Variants in PIK3C2G observed in about 807,000 individuals in gnomAD.
PIK3C2G encodes phosphatidylinositol-4-phosphate 3-kinase catalytic subunit type 2 gamma.
A neutral mutation model predicts 181.1 loss-of-function variants in PIK3C2G; 168 were observed. The ratio of observed to expected loss-of-function variants is 0.93; its 90% CI spans 0.82 to 1.05. PIK3C2G has a LOEUF of 1.05. Ranked by LOEUF, PIK3C2G falls within the 50% of genes least tolerant of loss-of-function variation. The pLI, the probability that PIK3C2G is intolerant of heterozygous loss-of-function variation, is 0.00. For missense variants in PIK3C2G, 1,869 were observed against 1,732.8 expected (o/e 1.08, Z -1.40); for synonymous variants, 573 against 592.2 (o/e 0.97, Z 0.47).
Position 18,381,863 on chromosome 12 carries a change from TC to T in PIK3C2G, c.1982del (p.Pro661ArgfsTer2). ...AGGAGTGTGGGATGTAAGTCAGCCA[TC>T]CCCGGTGACCCTGCAGGTAAGTGCC... ...TPGVWDVSQP[S>X]PVTLQIDFPA... On this transcript the variant is annotated frameshift_variant, in exon 14 of 33. Coordinates refer to ENST00000538779, the MANE Select transcript of PIK3C2G (RefSeq NM_001288772.2). LOFTEE classifies it high-confidence loss of function. 6.2e-7 allele frequency: 1 copy of T among 1,609,706 alleles called. No individual in the cohort carries two copies. Among genetic ancestry groups the T allele is most frequent in the Non-Finnish European group, 8.5e-7 (1 of 1,175,998 alleles).
In PIK3C2G at chr12:18,491,453, G is replaced by C. The variant is rs774769883; in HGVS notation, c.2688G>C (p.Glu896Asp). ...CTTTTTCTAATGATTTTTCACAGGA[G>C]GTACTGAAGAAAGAAATTGGCAGAC... ...VKSASDHQRQEVLKKEIGRLE... is the reference protein window; with the variant it reads ...VKSASDHQRQDVLKKEIGRLE... Residue 896 changes from glutamate (E) to aspartate (D), a missense_variant and splice_region_variant, in exon 20 of 33, where the codon GAG (glutamate) becomes GAC (aspartate). Coordinates refer to ENST00000538779, the MANE Select transcript of PIK3C2G (RefSeq NM_001288772.2). 3.3e-6 allele frequency: 5 copies of C among 1,496,318 alleles called. No individual in the cohort carries two copies. Among genetic ancestry groups the C allele is most frequent in the Non-Finnish European group, 4.6e-6 (5 of 1,079,580 alleles). The allele number at this position is 1,496,318 out of a possible 1,614,324, so 92.7% of individuals were successfully genotyped here.
At chr12:18,654,625 T>C in the PIK3C2G span, among the ~76,000 whole-genome samples, 3 of 152,300 alleles carry the variant, frequency 2.0e-5, no homozygotes, top group Admixed American at 2.0e-4. Flanking sequence ...GGAACTGTTA[T>C]TCCAGGTAAA....
intron 31 of PIK3C2G, among the ~76,000 whole-genome samples, chr12:18,610,970 C>T (rs1948301559): frequency 6.6e-6 from 1 of 151,954 alleles, no homozygotes; most frequent in Non-Finnish European, 1.5e-5. Context: ...GGCATGTAAA[C>T]CACACAGTAA....
At chr12:18,455,844 C>T (rs937142817) in intron 18 of PIK3C2G, among the ~76,000 whole-genome samples, 11 of 152,102 alleles carry the variant, frequency 7.2e-5, no homozygotes, top group East Asian at 5.8e-4. Flanking sequence ...TTTCAGCATA[C>T]GAATTTTGGA....
At chr12:18,508,063 C>G (rs1941955444) in intron 24 of PIK3C2G, among the ~76,000 whole-genome samples, 1 of 152,196 alleles carries the variant, frequency 6.6e-6, no homozygotes, top group Non-Finnish European at 1.5e-5. Context: ...ATAAACCAAT[C>G]ATCAACCATT....
At chr12:18,387,763 T>C (rs886189481) in intron 14 of PIK3C2G, among the ~76,000 whole-genome samples, 10 of 152,228 alleles carry the variant, frequency 6.6e-5, no homozygotes, top group African/African-American at 2.4e-4. Flanking sequence ...ATTGAAGGTA[T>C]TATATCACAA....
At chr12:18,297,801 T>A (rs961227606) in intron 5 of PIK3C2G, among the ~76,000 whole-genome samples, 1 of 151,966 alleles carries the variant, frequency 6.6e-6, no homozygotes, top group Non-Finnish European at 1.5e-5. Context: ...TGGCTTGTTT[T>A]ACTTAATGTA....
rs571648217 is a variant in PIK3C2G at position 18,420,092 on chromosome 12, C to T, written c.2316-849C>T. On this transcript the variant is annotated intron_variant, in intron 16 of 32. Transcript: ENST00000538779. The stretch of plus-strand genomic sequence containing the variant: ...CAGTTCCTTCACGTTTTAAATTATG[C>T]TTGTTAATTTTTTTCTAAAAAATTG... Among the ~76,000 whole-genome samples the T allele has an allele frequency of 2.3e-4, 35 of 152,094 alleles. 1 individual carries two copies. The highest frequency in any genetic ancestry group is 3.9e-4 in the East Asian group (2 of 5,170).
intron 30 of PIK3C2G, chr12:18,607,094 C>T (rs542177952): frequency 1.1e-5 from 5 of 462,964 alleles, no homozygotes; most frequent in South Asian, 6.5e-5. Flanking sequence ...TACAATGTAA[C>T]ATTTCACGAT....
chr12:18,564,083 A>G lies in PIK3C2G; in HGVS notation c.3902+585A>G, dbSNP rs534422414. Among the ~76,000 whole-genome samples, 8 of 152,030 alleles carry G rather than the reference A, an allele frequency of 5.3e-5. No homozygotes were observed. In the South Asian group the frequency reaches 1.7e-3, roughly 32 times the overall value. On this transcript the variant is annotated intron_variant, in intron 28 of 32. Transcript: ENST00000538779. ...TTTAAATTATTAACTTGCATTATCT[A>G]AATTGAATTTGTTATTTTGTTCATT...
chr12:18,423,995 C>G lies in PIK3C2G; in HGVS notation c.2460C>G (p.Leu820=). ...NLESPLVQLL[L]HRSLQSIQVA... is the part of the protein sequence containing the mutation. The stretch of plus-strand genomic sequence containing the variant: ...AGAGTCCTTTAGTGCAACTTCTACT[C>G]CACCGCTCCTTGCAGAGCATCCAGG... The change falls in exon 18 of 33, where the codon CTC becomes CTG. Residue 820 remains leucine, a synonymous_variant. Transcript: ENST00000538779. 1.2e-6 allele frequency: 2 copies of G among 1,611,794 alleles called. No homozygotes were observed. Among genetic ancestry groups the G allele is most frequent in the South Asian group, 2.2e-5 (2 of 90,546 alleles).
chr12:18,509,859 ATTAC>A (rs1942095384), intron 24 of PIK3C2G, among the ~76,000 whole-genome samples: 1 of 152,254 alleles, frequency 6.6e-6, no homozygotes, highest in Admixed American at 6.5e-5. Flanking sequence ...CAACTGAGGT[ATTAC>A]TTAATGATTC....
chr12:18,701,625 TCCTCCTCC>T, the PIK3C2G span: 4 of 1,556,202 alleles, frequency 2.6e-6, no homozygotes, highest in South Asian at 1.2e-5. Flanking sequence ...CTCCTCCTCC[TCCTCCTCC>T]TCCTCCTCCT....
In PIK3C2G at chr12:18,482,113, G is replaced by A. The variant is rs530606470; in HGVS notation, c.2505-6336G>A. Among the ~76,000 whole-genome samples the A allele has an allele frequency of 9.2e-5, 14 of 151,968 alleles. No homozygotes were observed. The East Asian group carries it at 9.7e-4, about 11-fold the overall frequency. On this transcript the variant is annotated intron_variant, in intron 18 of 32. Coordinates refer to ENST00000538779, the MANE Select transcript of PIK3C2G (RefSeq NM_001288772.2). Reference sequence around the variant, plus strand: ...CCCATCTTGTCCAATTTAAAACTTCGTTTTCTTCTCTAATTTGACAGATAC... The same window carrying A: ...CCCATCTTGTCCAATTTAAAACTTCATTTTCTTCTCTAATTTGACAGATAC...
intron 1 of PIK3C2G, among the ~76,000 whole-genome samples, chr12:18,251,218 C>G (rs1314089660): frequency 6.6e-6 from 1 of 151,894 alleles, no homozygotes; most frequent in East Asian, 1.9e-4. Context: ...GTATTTATAG[C>G]ACATTATTTA....
At chr12:18,259,018 A>G (rs924754475), upstream of PIK3C2G, among the ~76,000 whole-genome samples, 1 of 152,224 alleles carries the variant, frequency 6.6e-6, no homozygotes, top group Admixed American at 6.5e-5. Context: ...CCTATATTTG[A>G]AAGAGAAATA....
At chr12:18,675,893 G>A in the PIK3C2G span, among the ~76,000 whole-genome samples, 3 of 151,964 alleles carry the variant, frequency 2.0e-5, no homozygotes, top group African/African-American at 7.2e-5. Context: ...GGTGAGGTTT[G>A]AGATTTTACT....
intron 26 of PIK3C2G, among the ~76,000 whole-genome samples, chr12:18,554,239 C>T (rs1355297229): frequency 1.3e-5 from 2 of 152,110 alleles, no homozygotes; most frequent in Non-Finnish European, 2.9e-5. Flanking sequence ...GAAAAAAGTT[C>T]TGCATATGGA....
chr12:18,434,991 T>C (rs1470781957), intron 18 of PIK3C2G, among the ~76,000 whole-genome samples: 2 of 127,402 alleles, frequency 1.6e-5, no homozygotes, highest in Non-Finnish European at 3.1e-5. Context: ...TGTAACCAGG[T>C]TTTTTTTTTT....
Sources: gnomAD v4.1 joint callset for allele counts (sites outside exome capture counted in the v4.1 genomes callset) on GRCh38, gnomAD v4.1.1 for gene constraint, MANE v1.5 for transcripts, NCBI Gene and HGNC (gene_info 2026-07-23, HGNC 2026-07-21) for gene names.